The following MSRB3 variants were observed in gnomAD, a reference collection of about 807,000 sequenced individuals.
The protein encoded by MSRB3 is methionine sulfoxide reductase B3.
In MSRB3, 13 loss-of-function variants were observed where a neutral mutation model predicts 21.0. That is an observed-to-expected ratio of 0.62 (90% CI 0.40 to 0.98). MSRB3 has a LOEUF of 0.98. MSRB3 is among the 50% of genes least tolerant of loss of function. The pLI, the probability that MSRB3 is intolerant of heterozygous loss-of-function variation, is 0.00. For synonymous variants in MSRB3, 87 were observed against 88.6 expected, an observed-to-expected ratio of 0.98 and a Z score of 0.10; for missense variants, 199 against 230.3, an observed-to-expected ratio of 0.86 and a Z score of 0.88.
chr12:65,430,745 G>A (rs1368131271), intron 5 of MSRB3, among the ~76,000 whole-genome samples: 2 of 151,978 alleles, frequency 1.3e-5, no homozygotes, highest in Non-Finnish European at 2.9e-5. Flanking sequence ...TAAATTTGAA[G>A]ACTAAGAACC....
At chr12:65,446,403 A>G (rs1190090143) in intron 5 of MSRB3, among the ~76,000 whole-genome samples, 1 of 152,190 alleles carries the variant, frequency 6.6e-6, no homozygotes, top group African/African-American at 2.4e-5. Flanking sequence ...ACTTACACTG[A>G]TTTTGATATT....
At chr12:65,462,335 C>T (rs1883366199) in intron 6 of MSRB3, among the ~76,000 whole-genome samples, 1 of 152,200 alleles carries the variant, frequency 6.6e-6, no homozygotes, top group African/African-American at 2.4e-5. Context: ...GGGGTGTTCA[C>T]TGAGCCAGCC....
intron 4 of MSRB3, among the ~76,000 whole-genome samples, chr12:65,331,434 C>T (rs914991187): frequency 6.6e-6 from 1 of 152,224 alleles, no homozygotes; most frequent in Non-Finnish European, 1.5e-5. Flanking sequence ...GGGCTGAGGG[C>T]TAGACCTTGT....
chr12:65,375,737 C>T (rs1377245924), intron 5 of MSRB3, among the ~76,000 whole-genome samples: 2 of 152,076 alleles, frequency 1.3e-5, no homozygotes. Flanking sequence ...GTGCCCAGCC[C>T]AATATTGTAT....
At chr12:65,383,816 C>T (rs1273592539) in intron 5 of MSRB3, among the ~76,000 whole-genome samples, 1 of 152,076 alleles carries the variant, frequency 6.6e-6, no homozygotes, top group Admixed American at 6.5e-5. Flanking sequence ...TGTGCCCCCA[C>T]ACCCGACTAA....
chr12:65,279,915 T>G (rs906266003), intron 1 of MSRB3, among the ~76,000 whole-genome samples: 2 of 152,228 alleles, frequency 1.3e-5, no homozygotes, highest in African/African-American at 4.8e-5. Context: ...AGCTGAGATT[T>G]CTTAGGAGAT....
intron 5 of MSRB3, among the ~76,000 whole-genome samples, chr12:65,409,064 C>G (rs1880575080): frequency 6.6e-6 from 1 of 152,008 alleles, no homozygotes; most frequent in African/African-American, 2.4e-5. Flanking sequence ...GTTTTAAACT[C>G]TTAAACTTGC....
At chr12:65,409,673 A>T (rs1372731627) in intron 5 of MSRB3, among the ~76,000 whole-genome samples, 1 of 152,168 alleles carries the variant, frequency 6.6e-6, no homozygotes, top group Non-Finnish European at 1.5e-5. Flanking sequence ...TTTTCTTAAC[A>T]AAATACCTCA....
intron 4 of MSRB3, among the ~76,000 whole-genome samples, chr12:65,367,104 G>T (rs1878054962): frequency 6.6e-6 from 1 of 152,200 alleles, no homozygotes; most frequent in Admixed American, 6.5e-5. Flanking sequence ...ATAAACCTTA[G>T]CAAAGGCAGA....
intron 5 of MSRB3, among the ~76,000 whole-genome samples, chr12:65,376,360 C>T (rs2136548307): frequency 6.6e-6 from 1 of 152,236 alleles, no homozygotes; most frequent in South Asian, 2.1e-4. Context: ...ACCTCGTGAT[C>T]CGCCCGCCTC....
chr12:65,409,128 A>G (rs1283433068), intron 5 of MSRB3, among the ~76,000 whole-genome samples: 3 of 151,098 alleles, frequency 2.0e-5, no homozygotes, highest in Admixed American at 2.0e-4. Flanking sequence ...ATATATATAT[A>G]TACACAAAAT....
intron 4 of MSRB3, among the ~76,000 whole-genome samples, chr12:65,349,717 G>C (rs1180471928): frequency 6.7e-6 from 1 of 150,316 alleles, no homozygotes; most frequent in Non-Finnish European, 1.5e-5. Flanking sequence ...CTTTTGAGAA[G>C]TGTCTGTTCA....
chr12:65,316,839 C>T (rs1874330722), intron 2 of MSRB3, among the ~76,000 whole-genome samples: 1 of 152,052 alleles, frequency 6.6e-6, no homozygotes, highest in Admixed American at 6.6e-5. Flanking sequence ...CCCAGAATGT[C>T]AGACTGGATT....
chr12:65,398,685 G>C (rs1362484485), intron 5 of MSRB3, among the ~76,000 whole-genome samples: 1 of 152,134 alleles, frequency 6.6e-6, no homozygotes, highest in African/African-American at 2.4e-5. Flanking sequence ...CTTTGCCCAT[G>C]AGTATGTCTG....
chr12:65,386,016 C>G (rs1879181232), intron 5 of MSRB3, among the ~76,000 whole-genome samples: 1 of 151,930 alleles, frequency 6.6e-6, no homozygotes, highest in African/African-American at 2.4e-5. Flanking sequence ...ACTTTTGTCT[C>G]TGACCCCTGC....
chr12:65,316,658 G>A (rs534754630), intron 2 of MSRB3, among the ~76,000 whole-genome samples: 1 of 151,974 alleles, frequency 6.6e-6, no homozygotes, highest in East Asian at 1.9e-4. Context: ...TGCTCTTAAG[G>A]GATCTACATT....
chr12:65,461,547 C>T (rs1304406994), intron 6 of MSRB3, among the ~76,000 whole-genome samples: 1 of 152,162 alleles, frequency 6.6e-6, no homozygotes, highest in Non-Finnish European at 1.5e-5. Context: ...AAGTGCCATA[C>T]AGTCAAAGTT....
chr12:65,410,319 C>T (rs1276082711), intron 5 of MSRB3, among the ~76,000 whole-genome samples: 1 of 152,084 alleles, frequency 6.6e-6, no homozygotes, highest in African/African-American at 2.4e-5. Context: ...TGCTTGTTGG[C>T]ATTTTGTTAG....
At chr12:65,371,082 C>T (rs1175443489) in intron 5 of MSRB3, among the ~76,000 whole-genome samples, 2 of 152,130 alleles carry the variant, frequency 1.3e-5, no homozygotes, top group East Asian at 1.9e-4. Context: ...AATCCCAGCA[C>T]TTTGGGAGGC....
Sources: gnomAD v4.1 joint callset for allele counts (sites outside exome capture counted in the v4.1 genomes callset) on GRCh38, gnomAD v4.1.1 for gene constraint, MANE v1.5 for transcripts, NCBI Gene and HGNC (gene_info 2026-07-23, HGNC 2026-07-21) for gene names.